Variants in RERE observed in about 807,000 individuals in gnomAD.
RERE encodes arginine-glutamic acid dipeptide repeats, also known as arginine-glutamic acid dipeptide repeats protein.
RERE carries 40 observed loss-of-function variants against 146.1 expected under a neutral mutation model. The ratio of observed to expected loss-of-function variants is 0.27; its 90% CI spans 0.21 to 0.36. The LOEUF (loss-of-function observed/expected upper bound fraction) is 0.36, where lower values mean the gene tolerates loss of function less well. Among genes scored for constraint, RERE ranks in the 10% least tolerant of loss-of-function variants. The pLI, the probability that RERE is intolerant of heterozygous loss-of-function variation, is 1.00. For missense variants in RERE, 1,933 were observed against 2,138.7 expected, an observed-to-expected ratio of 0.90 and a Z score of 1.90; for synonymous variants, 1,003 against 866.0, an observed-to-expected ratio of 1.16 and a Z score of -2.78.
At chr1:8,359,428 C>T (rs1641457789) in intron 19 of RERE, among the ~76,000 whole-genome samples, 2 of 152,226 alleles carry the variant, frequency 1.3e-5, no homozygotes, top group African/African-American at 4.8e-5. Flanking sequence ...TCAAGGCGCC[C>T]CCTTGTGCTT....
rs539335669 is a variant in RERE, at chr1:8,645,344, C to T, written c.325+10629G>A. On this transcript the variant is annotated intron_variant, in intron 2 of 22. Transcript: ENST00000400908. ...GCATCATATTTTAACGTCAAAATCT[C>T]AAGCCATGAAATCACATATTTTTTC... Among the ~76,000 whole-genome samples the T allele has an allele frequency of 8.5e-4, 129 of 152,300 alleles. 2 individuals carry two copies. The highest frequency in any genetic ancestry group is 3.4e-3 in the Middle Eastern group (1 of 294).
At chr1:8,648,377 G>A (rs1432921955) in intron 2 of RERE, among the ~76,000 whole-genome samples, 1 of 152,026 alleles carries the variant, frequency 6.6e-6, no homozygotes, top group Non-Finnish European at 1.5e-5. Flanking sequence ...GACTACAGGA[G>A]CACACCACCA....
At chr1:8,439,634 C>T (rs1013444223) in intron 11 of RERE, among the ~76,000 whole-genome samples, 1 of 152,228 alleles carries the variant, frequency 6.6e-6, no homozygotes, top group East Asian at 1.9e-4. Context: ...CAAGAAAGGT[C>T]AATGACCCTT....
At chr1:8,509,024 C>T (rs1183487607) in intron 7 of RERE, among the ~76,000 whole-genome samples, 1 of 152,204 alleles carries the variant, frequency 6.6e-6, no homozygotes, top group Non-Finnish European at 1.5e-5. Flanking sequence ...AATTGATTCT[C>T]CTGCCTCAGC....
intron 11 of RERE, among the ~76,000 whole-genome samples, chr1:8,435,265 G>A (rs963751828): frequency 6.6e-6 from 1 of 152,132 alleles, no homozygotes; most frequent in African/African-American, 2.4e-5. Flanking sequence ...TATAGGCTAC[G>A]TTACTGAATA....
chr1:8,369,485 C>T (rs530451119), intron 12 of RERE, among the ~76,000 whole-genome samples: 28 of 95,482 alleles, frequency 2.9e-4, no homozygotes, highest in Admixed American at 1.3e-3. Context: ...CTCTTCAAAT[C>T]GAATAAATCT....
Position 8,364,346 on chromosome 1 carries a change from CA to C in RERE, c.1541-92del. 8.7e-7 allele frequency: 1 copy of C among 1,144,114 alleles called. No individual in the cohort carries two copies. Among genetic ancestry groups the C allele is most frequent in the South Asian group, 1.3e-5 (1 of 78,440 alleles). The allele number at this position is 1,144,114 out of a possible 1,614,324, so 70.9% of individuals were successfully genotyped here. Reference sequence around the variant, plus strand: ...GAGGGGCCCTTCTGTGGGCTCTACCCAAACCTGATGCCACCAGCACCATGCA... The same window carrying C: ...GAGGGGCCCTTCTGTGGGCTCTACCCAACCTGATGCCACCAGCACCATGCA... On this transcript the variant is annotated intron_variant, in intron 14 of 22. Coordinates refer to ENST00000400908, the MANE Select transcript of RERE (RefSeq NM_001042681.2). The surrounding 1 kb of genome is among the most constrained non-coding windows in gnomAD (Gnocchi z 5.1).
At chr1:8,625,504 C>T (rs1381809236) in intron 2 of RERE, among the ~76,000 whole-genome samples, 1 of 152,174 alleles carries the variant, frequency 6.6e-6, no homozygotes, top group Admixed American at 6.5e-5. Flanking sequence ...CAGGGCCTCA[C>T]TATGTTGCCC....
intron 4 of RERE, among the ~76,000 whole-genome samples, chr1:8,604,252 C>T (rs1178421755): frequency 3.3e-5 from 5 of 152,164 alleles, no homozygotes; most frequent in East Asian, 3.8e-4. Context: ...ACAGTAAAAA[C>T]GTGAGGTTTT....
At chr1:8,613,981 C>T (rs1646821486) in intron 4 of RERE, among the ~76,000 whole-genome samples, 1 of 152,150 alleles carries the variant, frequency 6.6e-6, no homozygotes, top group South Asian at 2.1e-4. Flanking sequence ...ATCCTGCTGC[C>T]TCTTACACAT....
intron 7 of RERE, among the ~76,000 whole-genome samples, chr1:8,513,787 A>C (rs1645374350): frequency 1.3e-5 from 2 of 152,122 alleles, no homozygotes; most frequent in African/African-American, 4.8e-5. Flanking sequence ...TCTCAAAAAC[A>C]AAACAAAACA....
intron 1 of RERE, among the ~76,000 whole-genome samples, chr1:8,731,426 T>C (rs1640079586): frequency 1.3e-5 from 2 of 152,238 alleles, no homozygotes; most frequent in Middle Eastern, 3.4e-3. Context: ...ATTACTCAAC[T>C]CCCTCTTGCC....
intron 4 of RERE, among the ~76,000 whole-genome samples, chr1:8,595,322 T>C (rs1453509284): frequency 1.3e-5 from 2 of 152,102 alleles, no homozygotes; most frequent in African/African-American, 2.4e-5. Context: ...TACTTAACTG[T>C]TAAATATTAA....
intron 10 of RERE, among the ~76,000 whole-genome samples, chr1:8,469,841 C>T (rs890097380): frequency 5.3e-5 from 8 of 152,060 alleles, no homozygotes; most frequent in African/African-American, 1.9e-4. Flanking sequence ...TTGAACATCT[C>T]GTTGTGGTTG....
chr1:8,443,475 A>AG (rs1644278950), intron 11 of RERE, among the ~76,000 whole-genome samples: 2 of 151,344 alleles, frequency 1.3e-5, no homozygotes, highest in South Asian at 2.1e-4. Flanking sequence ...AAAAAAAAAA[A>AG]AAAAGAAAGA....
intron 2 of RERE, among the ~76,000 whole-genome samples, chr1:8,654,388 T>G (rs1473009414): frequency 6.6e-6 from 1 of 152,146 alleles, no homozygotes; most frequent in East Asian, 1.9e-4. Context: ...AATGAAAATC[T>G]GGAACTTGAC....
chr1:8,730,334 GT>G (rs777857928), intron 1 of RERE, among the ~76,000 whole-genome samples: 3 of 151,792 alleles, frequency 2.0e-5, no homozygotes, highest in Admixed American at 1.3e-4. Flanking sequence ...TGTTTTTGGG[GT>G]TTTTTTTGTT....
chr1:8,381,882 G>T (rs1040986062), intron 12 of RERE, among the ~76,000 whole-genome samples: 1 of 152,196 alleles, frequency 6.6e-6, no homozygotes, highest in Non-Finnish European at 1.5e-5. Context: ...TGTTCCAGGG[G>T]CTAAGTCTTA....
chr1:8,387,070 C>T (rs1642703367), intron 12 of RERE, among the ~76,000 whole-genome samples: 1 of 152,170 alleles, frequency 6.6e-6, no homozygotes, highest in Non-Finnish European at 1.5e-5. Flanking sequence ...GGTAGGGGAC[C>T]TGCTAAGTCA....
Sources: allele counts gnomAD v4.1 joint callset (sites outside exome capture counted in the v4.1 genomes callset), GRCh38; gene constraint gnomAD v4.1.1; non-coding constraint Gnocchi (gnomAD v3.1); transcripts MANE v1.5; gene names NCBI Gene and HGNC (gene_info 2026-07-23, HGNC 2026-07-21).